The following NUP153 variants were observed in gnomAD, a reference collection of about 807,000 sequenced individuals.
NUP153 encodes the protein nucleoporin 153.
NUP153 carries 27 observed loss-of-function variants against 134.6 expected under a neutral mutation model. That is an observed-to-expected ratio of 0.20 (90% CI 0.15 to 0.28). The LOEUF (loss-of-function observed/expected upper bound fraction) is 0.28. NUP153 is among the 10% of genes least tolerant of loss of function. The pLI is 1.00. For missense variants in NUP153, 1,821 were observed against 1,731.3 expected (o/e 1.05, Z -0.92); for synonymous variants, 640 against 623.5 (o/e 1.03, Z -0.40).
intron 1 of NUP153, among the ~76,000 whole-genome samples, chr6:17,705,358 A>G (rs1177614208): frequency 6.6e-6 from 1 of 152,138 alleles, no homozygotes; most frequent in Non-Finnish European, 1.5e-5. Flanking sequence ...CAACTATCTC[A>G]TTTACAATTA....
In NUP153 at chr6:17,649,913, G is replaced by A. The variant is rs1766417527; in HGVS notation, c.1396-613C>T. Among the ~76,000 whole-genome samples, 4 of 152,276 alleles carry A rather than the reference G, an allele frequency of 2.6e-5. No individual in the cohort carries two copies. The South Asian group carries it at 8.3e-4, about 32-fold the overall frequency. On this transcript the variant is annotated intron_variant, in intron 11 of 21. Coordinates refer to ENST00000262077, the MANE Select transcript of NUP153 (RefSeq NM_005124.4). ...CTTGGAACATATCCCTTGCAGATAA[G>A]GGGGTGAGGGGGAGCATTATATGGT...
rs1767727606 is a variant in NUP153 at position 17,669,030 on chromosome 6, T to TG, written c.1015-3dup. ...ATCTATCCCACTCCTATCAAGAGGC[T>TG]GAAAAAAAAAAAAAACACTATTAGA... On this transcript the variant is annotated splice_polypyrimidine_tract_variant and splice_region_variant and intron_variant, in intron 7 of 21. Coordinates refer to ENST00000262077, the MANE Select transcript of NUP153 (RefSeq NM_005124.4). 4 of 1,326,512 alleles carry TG rather than the reference T, an allele frequency of 3.0e-6. No individual in the cohort carries two copies. The highest frequency in any genetic ancestry group is 3.3e-5 in the African/African-American group (2 of 60,596). The allele number at this position is 1,326,512 out of a possible 1,614,324, so 82.2% of individuals were successfully genotyped here.
At chr6:17,627,746 A>G (rs189600257) in intron 18 of NUP153, among the ~76,000 whole-genome samples, 85 of 152,308 alleles carry the variant, frequency 5.6e-4, no homozygotes, top group African/African-American at 2.0e-3. Flanking sequence ...TGTTTTTAGC[A>G]TGTGATGTTA....
chr6:17,646,990 C>G (rs894293450), intron 13 of NUP153, among the ~76,000 whole-genome samples: 4 of 148,732 alleles, frequency 2.7e-5, no homozygotes, highest in African/African-American at 9.9e-5. Context: ...CTCTTGACCT[C>G]AAGTGATCCA....
chr6:17,694,643 C>T (rs1769517024), intron 1 of NUP153, among the ~76,000 whole-genome samples: 1 of 151,444 alleles, frequency 6.6e-6, no homozygotes, highest in Non-Finnish European at 1.5e-5. Flanking sequence ...GGTGACAGAG[C>T]AAGACTCCGT....
chr6:17,630,714 G>C (rs1467033956), intron 17 of NUP153, among the ~76,000 whole-genome samples: 4 of 147,776 alleles, frequency 2.7e-5, no homozygotes, highest in Middle Eastern at 7.1e-3. Context: ...GGAGACGAGA[G>C]GGGAGGGGAG....
chr6:17,663,276 T>TA, intron 9 of NUP153, among the ~76,000 whole-genome samples: 1 of 151,410 alleles, frequency 6.6e-6, no homozygotes, highest in Non-Finnish European at 1.5e-5. Context: ...TATATATATA[T>TA]TTTGAGTCAG....
chr6:17,660,881 T>C (rs1767136522), intron 11 of NUP153, among the ~76,000 whole-genome samples: 2 of 152,206 alleles, frequency 1.3e-5, no homozygotes, highest in African/African-American at 4.8e-5. Context: ...TAATGTGTAT[T>C]AGAAATCTAC....
At chr6:17,617,465 T>TTA (rs753926057) in intron 20 of NUP153, among the ~76,000 whole-genome samples, 1 of 105,778 alleles carries the variant, frequency 9.5e-6, no homozygotes, top group Non-Finnish European at 1.9e-5. Context: ...TAGTGGGAAT[T>TTA]AAAAAAAAAA....
At chr6:17,645,283 G>A (rs1034846740) in intron 14 of NUP153, among the ~76,000 whole-genome samples, 4 of 150,190 alleles carry the variant, frequency 2.7e-5, no homozygotes, top group African/African-American at 7.4e-5. Context: ...TTAATTCTCT[G>A]ATTATTCATT....
intron 1 of NUP153, among the ~76,000 whole-genome samples, chr6:17,705,584 T>C (rs2150257738): frequency 7.5e-5 from 1 of 13,356 alleles, no homozygotes; most frequent in South Asian, 2.2e-3. Context: ...GGTGGCGGTG[T>C]TGGGGGGGGG....
chr6:17,622,252 C>A (rs535156738), intron 20 of NUP153, among the ~76,000 whole-genome samples: 10 of 152,084 alleles, frequency 6.6e-5, no homozygotes, highest in African/African-American at 2.4e-4. Context: ...GAGTTAGAGA[C>A]CAGCCTGGAT....
chr6:17,642,403 C>A (rs572848683), intron 14 of NUP153, among the ~76,000 whole-genome samples: 2 of 151,964 alleles, frequency 1.3e-5, no homozygotes, highest in African/African-American at 4.8e-5. Context: ...GGGTAAAGGA[C>A]GTGAAAGGCA....
intron 1 of NUP153, among the ~76,000 whole-genome samples, chr6:17,693,760 C>T (rs1188629323): frequency 6.6e-6 from 1 of 152,140 alleles, no homozygotes; most frequent in Non-Finnish European, 1.5e-5. Flanking sequence ...GTGGCACACT[C>T]CTGTAATCCC....
chr6:17,677,090 A>G (rs1854009), intron 2 of NUP153, among the ~76,000 whole-genome samples: 9,516 of 152,274 alleles, frequency 0.062, 396 homozygotes, highest in Non-Finnish European at 0.084. Context: ...AAAATAAGGA[A>G]TAAGTATATA....
intron 1 of NUP153, among the ~76,000 whole-genome samples, chr6:17,691,701 G>A (rs995102496): frequency 6.6e-6 from 1 of 151,778 alleles, no homozygotes; most frequent in Non-Finnish European, 1.5e-5. Context: ...GGAGGCAGAC[G>A]GGCCATTGCA....
At chr6:17,673,120 G>A (rs1418152847) in intron 5 of NUP153, among the ~76,000 whole-genome samples, 1 of 152,190 alleles carries the variant, frequency 6.6e-6, no homozygotes, top group Non-Finnish European at 1.5e-5. Context: ...TGTAATCCCA[G>A]CACTTTGGGA....
At chr6:17,687,392 A>T (rs1768997951) in intron 2 of NUP153, among the ~76,000 whole-genome samples, 1 of 152,194 alleles carries the variant, frequency 6.6e-6, no homozygotes, top group Non-Finnish European at 1.5e-5. Context: ...CAGCTTAGAG[A>T]TCTACCAGAT....
intron 9 of NUP153, among the ~76,000 whole-genome samples, chr6:17,663,924 A>G (rs1581725079): frequency 1.3e-5 from 2 of 152,222 alleles, no homozygotes; most frequent in East Asian, 3.9e-4. Context: ...AGAAATAAAA[A>G]CATGTCCACA....
Sources: allele counts gnomAD v4.1 joint callset (sites outside exome capture counted in the v4.1 genomes callset), GRCh38; gene constraint gnomAD v4.1.1; transcripts MANE v1.5; gene names NCBI Gene and HGNC (gene_info 2026-07-23, HGNC 2026-07-21).